The following GABRB2 variants were observed in gnomAD, a reference collection of about 807,000 sequenced individuals.
GABRB2 encodes gamma-aminobutyric acid type A receptor subunit beta2, also known as gamma-aminobutyric acid receptor subunit beta-2.
In GABRB2, 16 loss-of-function variants were observed where a neutral mutation model predicts 54.7. The observed-to-expected ratio is 0.29, with a 90% CI of 0.20 to 0.44. GABRB2 has a LOEUF of 0.44. GABRB2 is among the 20% of genes least tolerant of loss of function. The pLI, the probability that GABRB2 is intolerant of heterozygous loss-of-function variation, is 1.00. For synonymous variants in GABRB2, 244 were observed against 233.8 expected (o/e 1.04, Z -0.40); for missense variants, 355 against 644.0 (o/e 0.55, Z 4.86).
At chr5:161,392,967 T>C (rs550778972) in intron 5 of GABRB2, among the ~76,000 whole-genome samples, 26 of 152,146 alleles carry the variant, frequency 1.7e-4, no homozygotes, top group Non-Finnish European at 2.2e-4. Flanking sequence ...TGTAATATAG[T>C]TATAAAATGT....
chr5:161,314,000 T>C (rs1757952428), intron 9 of GABRB2, among the ~76,000 whole-genome samples: 1 of 152,246 alleles, frequency 6.6e-6, no homozygotes, highest in Non-Finnish European at 1.5e-5. Context: ...AAGTTTCGTG[T>C]TATACTGCAG....
intron 7 of GABRB2, 47 bp downstream of exon 7, chr5:161,334,705 A>G: frequency 1.3e-6 from 2 of 1,597,694 alleles, no homozygotes; most frequent in Non-Finnish European, 1.7e-6. Flanking sequence ...GAACACAGAA[A>G]TGTACACACA....
chr5:161,457,241 T>G (rs1354071246), intron 4 of GABRB2, among the ~76,000 whole-genome samples: 6 of 152,186 alleles, frequency 3.9e-5, no homozygotes, highest in Non-Finnish European at 8.8e-5. Context: ...TTCAGGAACC[T>G]GCATATTTTT....
chr5:161,291,701 T>C lies in GABRB2; in HGVS notation c.*2380A>G, dbSNP rs578214058. On this transcript the variant is annotated 3_prime_UTR_variant, in exon 10 of 10. Transcript: ENST00000393959. ...TGTTCTGTTGACTTTCTTGGACATC[T>C]AAAATTTTGTTGTAATCATAAATGG... The C allele has an allele frequency of 8.1e-4, 123 of 152,764 alleles. No homozygotes were observed. Among genetic ancestry groups the C allele is most frequent in the African/African-American group, 2.9e-3 (119 of 41,586 alleles). The allele number at this position is 152,764 out of a possible 1,614,324, so 9.5% of individuals were successfully genotyped here.
At chr5:161,448,502 G>A (rs1163610708) in intron 4 of GABRB2, among the ~76,000 whole-genome samples, 6 of 152,128 alleles carry the variant, frequency 3.9e-5, no homozygotes, top group Non-Finnish European at 8.8e-5. Flanking sequence ...AGCCTTAGAA[G>A]TCATGCAGAG....
intron 3 of GABRB2, among the ~76,000 whole-genome samples, chr5:161,460,497 T>C (rs1758091280): frequency 6.6e-6 from 1 of 152,200 alleles, no homozygotes; most frequent in East Asian, 1.9e-4. Flanking sequence ...AATAATTACC[T>C]AATGATTAAT....
At chr5:161,503,479 C>T (rs539420399) in intron 3 of GABRB2, among the ~76,000 whole-genome samples, 8 of 152,036 alleles carry the variant, frequency 5.3e-5, no homozygotes, top group South Asian at 4.1e-4. Context: ...GAGGCTGAGG[C>T]GGGCAGATCA....
At chr5:161,487,379 T>C (rs1758959277) in intron 3 of GABRB2, among the ~76,000 whole-genome samples, 1 of 151,946 alleles carries the variant, frequency 6.6e-6, no homozygotes, top group African/African-American at 2.4e-5. Flanking sequence ...ACAGTCATTG[T>C]CATTCCCATT....
intron 3 of GABRB2, among the ~76,000 whole-genome samples, chr5:161,521,271 T>G (rs951017619): frequency 6.6e-6 from 1 of 151,954 alleles, no homozygotes; most frequent in African/African-American, 2.4e-5. Context: ...CCACCACTCT[T>G]TATTCCTATC....
chr5:161,384,590 A>C (rs1180031243), intron 5 of GABRB2, among the ~76,000 whole-genome samples: 1 of 152,182 alleles, frequency 6.6e-6, no homozygotes, highest in Non-Finnish European at 1.5e-5. Flanking sequence ...CTTGGTTTTA[A>C]TAAGGATAAG....
intron 3 of GABRB2, among the ~76,000 whole-genome samples, chr5:161,529,720 A>G (rs1168938034): frequency 6.6e-6 from 1 of 152,076 alleles, no homozygotes; most frequent in Non-Finnish European, 1.5e-5. Flanking sequence ...TCAAAGTTCT[A>G]ATGTAATTTT....
chr5:161,442,184 C>A (rs577283392), intron 4 of GABRB2, among the ~76,000 whole-genome samples: 49 of 152,156 alleles, frequency 3.2e-4, no homozygotes, highest in African/African-American at 7.2e-4. Context: ...ACATTTCATG[C>A]CTCTATCAAA....
chr5:161,503,856 A>C (rs1554104912), intron 3 of GABRB2, among the ~76,000 whole-genome samples: 1 of 152,146 alleles, frequency 6.6e-6, no homozygotes, highest in Non-Finnish European at 1.5e-5. Context: ...ACAGGTATGA[A>C]AGAATGAAAA....
intron 5 of GABRB2, among the ~76,000 whole-genome samples, chr5:161,369,464 A>T (rs1312875047): frequency 6.6e-6 from 1 of 152,068 alleles, no homozygotes; most frequent in Admixed American, 6.6e-5. Flanking sequence ...TATGAGATGG[A>T]TTTAAACTTG....
chr5:161,362,292 AGTTTTTTTCTAATTCTGTG>A (rs1041689285), intron 5 of GABRB2, among the ~76,000 whole-genome samples: 22 of 152,134 alleles, frequency 1.4e-4, no homozygotes, highest in Admixed American at 1.3e-3. Context: ...AATGTAAAGT[AGTTTTTTTCTAATTCTGTG>A]AAGAAAGCCA....
At chr5:161,333,482 C>T (rs1753911606) in intron 7 of GABRB2, among the ~76,000 whole-genome samples, 1 of 152,174 alleles carries the variant, frequency 6.6e-6, no homozygotes, top group African/African-American at 2.4e-5. Context: ...CATCCTTGAG[C>T]CACATAATTT....
intron 9 of GABRB2, among the ~76,000 whole-genome samples, chr5:161,309,585 T>C (rs1296468184): frequency 6.6e-6 from 1 of 152,026 alleles, no homozygotes; most frequent in South Asian, 2.1e-4. Flanking sequence ...CTATTCACAA[T>C]AGCAAAGACA....
intron 4 of GABRB2, among the ~76,000 whole-genome samples, chr5:161,437,046 G>A (rs994459770): frequency 6.6e-6 from 1 of 152,162 alleles, no homozygotes; most frequent in Non-Finnish European, 1.5e-5. Context: ...AAGTAAACTT[G>A]AAAGGCAGTC....
At chr5:161,531,385 G>A (rs2113454894) in intron 3 of GABRB2, among the ~76,000 whole-genome samples, 1 of 152,182 alleles carries the variant, frequency 6.6e-6, no homozygotes, top group East Asian at 1.9e-4. Flanking sequence ...AAAGCCAGCT[G>A]TTCAATTATT....
Sources: allele counts gnomAD v4.1 joint callset (sites outside exome capture counted in the v4.1 genomes callset), GRCh38; gene constraint gnomAD v4.1.1; transcripts MANE v1.5; gene names NCBI Gene and HGNC (gene_info 2026-07-23, HGNC 2026-07-21).